SEMA6D: variants seen among roughly 807,000 people sequenced by gnomAD.
SEMA6D encodes the protein semaphorin-6D.
Under a neutral mutation model 106.6 loss-of-function variants are expected in SEMA6D, and 35 were observed. The ratio of observed to expected loss-of-function variants is 0.33; its 90% confidence interval spans 0.25 to 0.44. SEMA6D has a LOEUF of 0.44. Ranked by LOEUF, SEMA6D falls within the 20% of genes least tolerant of loss-of-function variation. The probability of loss-of-function intolerance (pLI) is 1.00; values close to 1 mark genes in which losing one functional copy is unlikely to be tolerated. For synonymous variants in SEMA6D, 499 were observed against 487.7 expected, an observed-to-expected ratio of 1.02 and a Z score of -0.31; for missense variants, 1,185 against 1,345.9, an observed-to-expected ratio of 0.88 and a Z score of 1.87.
intron 2 of SEMA6D, among the ~76,000 whole-genome samples, chr15:47,426,309 C>T (rs905174210): frequency 3.9e-5 from 6 of 151,980 alleles, no homozygotes; most frequent in African/African-American, 1.4e-4. Flanking sequence ...GGCTTTGGTG[C>T]TAGAGTTTTG....
intron 1 of SEMA6D, among the ~76,000 whole-genome samples, chr15:47,219,152 A>G (rs773731670): frequency 2.0e-5 from 3 of 152,202 alleles, no homozygotes; most frequent in Admixed American, 1.3e-4. Context: ...ACCATCTTAT[A>G]GAAGAATACC....
chr15:47,380,565 G>A (rs866138405), intron 1 of SEMA6D: 12 of 152,120 alleles, frequency 7.9e-5, no homozygotes, highest in South Asian at 4.2e-4. Flanking sequence ...TATTTAATTC[G>A]TTAGTTTATT....
intron 3 of SEMA6D, among the ~76,000 whole-genome samples, chr15:47,564,812 A>T (rs190701720): frequency 6.6e-6 from 1 of 152,248 alleles, no homozygotes; most frequent in East Asian, 1.9e-4. Context: ...TCCTGTGCCT[A>T]TAAAGACCCC....
intron 4 of SEMA6D, among the ~76,000 whole-genome samples, chr15:47,610,902 T>A (rs1210430469): frequency 1.3e-5 from 2 of 152,184 alleles, no homozygotes; most frequent in African/African-American, 4.8e-5. Context: ...GTGGATTAAG[T>A]TATTTAAGGA....
At position 47,511,281 on chromosome 15, in the gene SEMA6D, G is replaced by A. The variant is rs184436197; in HGVS notation, c.-87+40736G>A. ...AATCTGTGTCCTTGTTCTGTTTGAA[G>A]ATCACCACCTTGGCACTTCATGCAG... On this transcript the variant is annotated intron_variant, in intron 3 of 19. Coordinates refer to the SEMA6D transcript ENST00000558014. Among the ~76,000 whole-genome samples the A allele has an allele frequency of 7.2e-5, 11 of 152,290 alleles. No individual in the cohort carries two copies. In the East Asian group the frequency reaches 1.9e-3, roughly 27 times the overall value.
intron 3 of SEMA6D, among the ~76,000 whole-genome samples, chr15:47,504,583 G>A (rs2043973487): frequency 6.6e-6 from 1 of 152,194 alleles, no homozygotes; most frequent in Non-Finnish European, 1.5e-5. Context: ...TCGTCAGACA[G>A]ATAAACATCA....
At chr15:47,617,986 T>G (rs897905883) in intron 4 of SEMA6D, among the ~76,000 whole-genome samples, 1 of 152,194 alleles carries the variant, frequency 6.6e-6, no homozygotes, top group African/African-American at 2.4e-5. Context: ...CTTAATTGAG[T>G]TGATTCTCAA....
rs140491961 is a variant in SEMA6D at position 47,374,919 on chromosome 15, C to T, written c.-238-37474C>T. Among the ~76,000 whole-genome samples, 10 of 152,300 alleles carry T rather than the reference C, an allele frequency of 6.6e-5. No individual in the cohort carries two copies. In the East Asian group the frequency reaches 1.4e-3, roughly 21 times the overall value. ...AAATGAAAGGCTAGTTTCTGCAGCT[C>T]TGTTGTAGACCTGTTGCAGAGGCAG... On this transcript the variant is annotated intron_variant, in intron 1 of 19. Transcript: ENST00000558014.
intron 1 of SEMA6D, among the ~76,000 whole-genome samples, chr15:47,323,680 G>C (rs1323367280): frequency 6.6e-6 from 1 of 152,122 alleles, no homozygotes; most frequent in Non-Finnish European, 1.5e-5. Context: ...TTTCACCAGG[G>C]ATCTGTCCTT....
intron 4 of SEMA6D, among the ~76,000 whole-genome samples, chr15:47,667,075 G>T (rs906676287): frequency 1.3e-5 from 2 of 152,084 alleles, no homozygotes; most frequent in African/African-American, 4.8e-5. Context: ...AACCCATTCC[G>T]TCAGCCTCCA....
intron 3 of SEMA6D, among the ~76,000 whole-genome samples, chr15:47,503,024 G>A (rs1359233322): frequency 6.6e-6 from 1 of 151,994 alleles, no homozygotes; most frequent in Non-Finnish European, 1.5e-5. Context: ...AATATTTTTT[G>A]CCTTGAGTGG....
In SEMA6D at chr15:47,436,995, G is replaced by C. The variant is rs188763470; in HGVS notation, c.-159+24523G>C. 4.1e-3 allele frequency among the ~76,000 whole-genome samples: 590 copies of C among 142,218 alleles called. 6 individuals carry two copies. Among genetic ancestry groups the C allele is most frequent in the African/African-American group, 0.014 (553 of 38,762 alleles). 93.3% of individuals were successfully genotyped at this position (142,218 alleles called of 152,430 possible). A position where few individuals can be genotyped will look rare whatever the true frequency, so the allele number is the denominator to read the frequency against. ...GGGAAAGGAAGAGAAGGGAAGGGGA[G>C]GGGAGGGGAGGGAAAGAAAAGAAAG... On this transcript the variant is annotated intron_variant, in intron 2 of 19. Transcript: ENST00000558014.
intron 2 of SEMA6D, among the ~76,000 whole-genome samples, chr15:47,434,323 TG>T (rs1315877877): frequency 1.3e-5 from 2 of 152,054 alleles, no homozygotes; most frequent in African/African-American, 4.8e-5. Flanking sequence ...CCTGTTGAAA[TG>T]GGTGCATTCT....
At chr15:47,730,097 A>T in intron 1 of SEMA6D, 1 of 788,376 alleles carries the variant, frequency 1.3e-6, no homozygotes, top group Non-Finnish European at 2.0e-6. Context: ...GAAAATTTAT[A>T]TTATTTTAAT....
At chr15:47,351,972 A>ATC (rs2038343488) in intron 1 of SEMA6D, among the ~76,000 whole-genome samples, 1 of 152,198 alleles carries the variant, frequency 6.6e-6, no homozygotes. Flanking sequence ...GGATTTTAAA[A>ATC]TCTGTTATCC....
At chr15:47,478,117 C>T (rs2043049750) in intron 3 of SEMA6D, among the ~76,000 whole-genome samples, 1 of 152,054 alleles carries the variant, frequency 6.6e-6, no homozygotes, top group Non-Finnish European at 1.5e-5. Context: ...GAGCACACAG[C>T]ATATATATGT....
intron 1 of SEMA6D, among the ~76,000 whole-genome samples, chr15:47,358,462 A>G (rs933070492): frequency 2.6e-5 from 4 of 152,212 alleles, no homozygotes; most frequent in Non-Finnish European, 5.9e-5. Context: ...TTGCTTCCTA[A>G]TGAAGATCCT....
intron 3 of SEMA6D, among the ~76,000 whole-genome samples, chr15:47,597,242 A>G (rs938129362): frequency 1.2e-4 from 18 of 152,244 alleles, no homozygotes; most frequent in Middle Eastern, 3.4e-3. Context: ...AGGATGGGGG[A>G]AAAGAAAATC....
chr15:47,509,227 G>A (rs984858443), intron 3 of SEMA6D, among the ~76,000 whole-genome samples: 20 of 152,150 alleles, frequency 1.3e-4, no homozygotes, highest in African/African-American at 4.8e-4. Context: ...GTACCTGTGT[G>A]TTTGTGTGTG....
Sources: allele counts gnomAD v4.1 joint callset (sites outside exome capture counted in the v4.1 genomes callset), GRCh38; gene constraint gnomAD v4.1.1; transcripts MANE v1.5; gene names NCBI Gene and HGNC (gene_info 2026-07-23, HGNC 2026-07-21).